The following FERMT2 variants were observed in gnomAD, a reference collection of about 807,000 sequenced individuals.
The protein encoded by FERMT2 is fermitin family homolog 2.
A neutral mutation model predicts 82.7 loss-of-function variants in FERMT2; 15 were observed. The observed-to-expected ratio is 0.18, with a 90% CI of 0.12 to 0.28. FERMT2 has a LOEUF of 0.28. Among genes scored for constraint, FERMT2 ranks in the 10% least tolerant of loss-of-function variants. The pLI, the probability that FERMT2 is intolerant of heterozygous loss-of-function variation, is 1.00. For missense variants in FERMT2, 645 were observed against 809.4 expected (o/e 0.80, Z 2.46); for synonymous variants, 274 against 271.5 (o/e 1.01, Z -0.09).
At chr14:52,891,528 A>G (rs1283029222) in intron 4 of FERMT2, among the ~76,000 whole-genome samples, 1 of 152,168 alleles carries the variant, frequency 6.6e-6, no homozygotes, top group African/African-American at 2.4e-5. Flanking sequence ...TCTTATCCTT[A>G]TCCTCAAAAT....
At position 52,883,071 on chromosome 14, in the gene FERMT2, G is replaced by A. The variant is rs138766578; in HGVS notation, c.527-1602C>T. Among the ~76,000 whole-genome samples the A allele has an allele frequency of 1.1e-3, 172 of 152,150 alleles. 1 individual carries two copies. The highest frequency in any genetic ancestry group is 3.9e-3 in the African/African-American group (160 of 41,500). ...AAATTTGCCAGGAGTGGTGGTGCAC[G>A]CTATTCGGGAGGCGAAGGCTGCAGT... On this transcript the variant is annotated intron_variant, in intron 4 of 14. Transcript: ENST00000341590.
chr14:52,893,270 C>T, intron 4 of FERMT2, 23 bp downstream of exon 4: 1 of 1,579,068 alleles, frequency 6.3e-7, no homozygotes, highest in Admixed American at 2.0e-5. Context: ...TACTTTGAGT[C>T]CATTGCTTGG....
intron 4 of FERMT2, 84 bp downstream of exon 4, chr14:52,893,209 T>G: frequency 7.8e-7 from 1 of 1,280,750 alleles, no homozygotes. Flanking sequence ...CTGACCTACA[T>G]GATCCATTTA....
intron 3 of FERMT2, among the ~76,000 whole-genome samples, chr14:52,906,950 G>C (rs1442781597): frequency 5.7e-4 from 84 of 146,842 alleles, no homozygotes; most frequent in Admixed American, 2.2e-3. Context: ...AATTATTGGG[G>C]GGGGGGGGGG....
chr14:52,872,377 G>A (rs377130343), intron 10 of FERMT2, among the ~76,000 whole-genome samples: 7 of 151,950 alleles, frequency 4.6e-5, no homozygotes, highest in Admixed American at 1.3e-4. Flanking sequence ...CCAACATGAC[G>A]AAACCTTGCA....
chr14:52,936,967 C>T lies in FERMT2; in HGVS notation c.157+13445G>A, dbSNP rs186717095. 5.9e-5 allele frequency among the ~76,000 whole-genome samples: 9 copies of T among 151,744 alleles called. No individual in the cohort carries two copies. In the East Asian group the frequency reaches 1.7e-3, roughly 29 times the overall value. ...GTCAGGAGTTGGAGACCAGCCTGGC[C>T]AACATGGTGAAACCCCATCTCTACT... On this transcript the variant is annotated intron_variant, in intron 2 of 14. Transcript: ENST00000341590.
At chr14:52,937,428 A>C (rs1277465087) in intron 2 of FERMT2, among the ~76,000 whole-genome samples, 1 of 152,126 alleles carries the variant, frequency 6.6e-6, no homozygotes, top group African/African-American at 2.4e-5. Flanking sequence ...TGAACACTGC[A>C]ATCCCCAACC....
At chr14:52,871,002 A>T (rs1885584778) in intron 10 of FERMT2, among the ~76,000 whole-genome samples, 1 of 152,174 alleles carries the variant, frequency 6.6e-6, no homozygotes, top group Admixed American at 6.5e-5. Flanking sequence ...GTACAAATGT[A>T]CCCAAAGAAG....
Position 52,864,741 on chromosome 14 carries a change from A to G in FERMT2, c.1380+6T>C, listed in dbSNP as rs1348900904. Reference sequence around the variant, plus strand: ...ATTGAAGTGTATTTTTAACTGGAAAACTTACATTGTCACAACGAAGCCAGA... The same window carrying G: ...ATTGAAGTGTATTTTTAACTGGAAAGCTTACATTGTCACAACGAAGCCAGA... On this transcript the variant is annotated splice_donor_region_variant and intron_variant, in intron 11 of 14. Transcript: ENST00000341590. 2 of 1,603,924 alleles carry G rather than the reference A, an allele frequency of 1.2e-6. No homozygotes were observed. Among genetic ancestry groups the G allele is most frequent in the Admixed American group, 3.4e-5 (2 of 59,298 alleles).
At chr14:52,892,812 T>C (rs886989865) in intron 4 of FERMT2, among the ~76,000 whole-genome samples, 5 of 152,216 alleles carry the variant, frequency 3.3e-5, no homozygotes, top group Admixed American at 6.5e-5. Context: ...TTTCATGAAC[T>C]AGATACTAAA....
intron 2 of FERMT2, among the ~76,000 whole-genome samples, chr14:52,950,147 C>G (rs115261931): frequency 1.3e-5 from 2 of 152,212 alleles, no homozygotes; most frequent in Non-Finnish European, 2.9e-5. Flanking sequence ...CGGCACACAT[C>G]CCCCGTCCCG....
At chr14:52,880,974 C>A in intron 6 of FERMT2, 62 bp downstream of exon 6, 2 of 1,026,696 alleles carry the variant, frequency 1.9e-6, no homozygotes, top group South Asian at 1.5e-5. Flanking sequence ...CAAAAACAAA[C>A]ATCCATGTGA....
At chr14:52,860,526 ACAAAAGAT>A in intron 12 of FERMT2, 61 bp from the exon 13 acceptor site, 2 of 1,473,858 alleles carry the variant, frequency 1.4e-6, no homozygotes, top group South Asian at 1.3e-5. Context: ...GAGAACTGAG[ACAAAAGAT>A]CAAAAGATTG....
chr14:52,938,667 A>G (rs1295499360), intron 2 of FERMT2, among the ~76,000 whole-genome samples: 1 of 152,110 alleles, frequency 6.6e-6, no homozygotes, highest in Non-Finnish European at 1.5e-5. Flanking sequence ...CCCAGGTTCA[A>G]GTGATTCTCC....
intron 2 of FERMT2, among the ~76,000 whole-genome samples, chr14:52,941,407 T>C (rs1890085547): frequency 6.6e-6 from 1 of 152,150 alleles, no homozygotes; most frequent in Admixed American, 6.6e-5. Context: ...TAAATTTTAC[T>C]ATATGTCAAT....
In FERMT2 at chr14:52,940,220, T is replaced by C. The variant is rs182828947; in HGVS notation, c.157+10192A>G. ...ATGCACTGACACTGGCTGGTCCTTA[T>C]GTATCTAAATGACAGATAATTAAGT... On this transcript the variant is annotated intron_variant, in intron 2 of 14. Coordinates refer to ENST00000341590, the MANE Select transcript of FERMT2 (RefSeq NM_006832.3). Among the ~76,000 whole-genome samples the C allele has an allele frequency of 1.4e-3, 209 of 152,270 alleles. 1 individual carries two copies. The highest frequency in any genetic ancestry group is 5.1e-3 in the Admixed American group (78 of 15,282).
chr14:52,864,807 G>T lies in FERMT2; in HGVS notation c.1320C>A (p.Asn440Lys), dbSNP rs775454746. Residue 440 changes from asparagine to lysine, a missense_variant, in exon 11 of 15, where the codon AAC becomes AAA. Physicochemically the swap from Asn to Lys is moderately conservative, Grantham distance 94. Coordinates refer to ENST00000341590, the MANE Select transcript of FERMT2 (RefSeq NM_006832.3). The stretch of plus-strand genomic sequence containing the variant: ...CTGCAACTGGAATCAGGAGTTTAAT[G>T]TTAAATTTTTGGCCTGAAATGTTTA... The part of the protein sequence containing the change: ...PDVNISGQKF[N>K]IKLLIPVAEG... 1.2e-6 allele frequency: 2 copies of T among 1,612,104 alleles called. No homozygotes were observed. Among genetic ancestry groups the T allele is most frequent in the Non-Finnish European group, 8.5e-7 (1 of 1,178,264 alleles).
At chr14:52,949,406 A>G (rs1313842537) in intron 2 of FERMT2, among the ~76,000 whole-genome samples, 1 of 151,434 alleles carries the variant, frequency 6.6e-6, no homozygotes, top group East Asian at 1.9e-4. Flanking sequence ...AAAAAAGACG[A>G]AAAAAACCCC....
intron 3 of FERMT2, among the ~76,000 whole-genome samples, chr14:52,914,018 C>T (rs1421789972): frequency 6.6e-6 from 1 of 151,850 alleles, no homozygotes; most frequent in Non-Finnish European, 1.5e-5. Context: ...TCCCTAAGCT[C>T]CATTTGGTTA....
Sources: gnomAD v4.1 joint callset for allele counts (sites outside exome capture counted in the v4.1 genomes callset) on GRCh38, gnomAD v4.1.1 for gene constraint, MANE v1.5 for transcripts, NCBI Gene and HGNC (gene_info 2026-07-23, HGNC 2026-07-21) for gene names.